Variants in HACD1 observed in about 807,000 individuals in gnomAD.
HACD1 encodes 3-hydroxyacyl-CoA dehydratase 1, also known as very-long-chain (3R)-3-hydroxyacyl-CoA dehydratase 1.
A neutral mutation model predicts 32.0 loss-of-function variants in HACD1; 41 were observed. The ratio of observed to expected loss-of-function variants is 1.28; its 90% CI spans 1.00 to 1.66. The LOEUF is 1.66. Among genes scored for constraint, HACD1 ranks in the 40% most tolerant of loss-of-function variants. HACD1 has a pLI of 0.00. For synonymous variants in HACD1, 142 were observed against 139.0 expected, an observed-to-expected ratio of 1.02 and a Z score of -0.15; for missense variants, 396 against 380.1, an observed-to-expected ratio of 1.04 and a Z score of -0.35.
In HACD1 at chr10:17,604,061, G is replaced by T. The variant is rs1432521562; in HGVS notation, c.258-14C>A. Reference sequence around the variant, plus strand: ...AGAACCAACCACCTAAAAAAAAAAAGTATTTCATAAAGTTCTTTCGAACTT... The same window carrying T: ...AGAACCAACCACCTAAAAAAAAAAATTATTTCATAAAGTTCTTTCGAACTT... On this transcript the variant is annotated splice_polypyrimidine_tract_variant and intron_variant, in intron 1 of 6. Coordinates refer to ENST00000361271, the MANE Select transcript of HACD1 (RefSeq NM_014241.4). The T allele has an allele frequency of 4.9e-6, 7 of 1,423,968 alleles. No homozygotes were observed. The highest frequency in any genetic ancestry group is 5.8e-6 in the Non-Finnish European group (6 of 1,037,292). 88.2% of individuals were successfully genotyped at this position (1,423,968 alleles called of 1,614,324 possible).
chr10:17,613,125 TGTGTGTGTGTGTGTGTG>T (rs1358706262), intron 1 of HACD1, among the ~76,000 whole-genome samples: 57 of 139,330 alleles, frequency 4.1e-4, no homozygotes, highest in African/African-American at 1.4e-3. Flanking sequence ...TGTGTGTGTG[TGTGTGTGTGTGTGTGTG>T]TGTGTTTTGT....
chr10:17,609,085 G>A (rs572202007), intron 1 of HACD1, among the ~76,000 whole-genome samples: 37 of 150,920 alleles, frequency 2.5e-4, no homozygotes, highest in African/African-American at 8.5e-4. Flanking sequence ...TGTCCAGATT[G>A]TATAAAGAAC....
intron 1 of HACD1, among the ~76,000 whole-genome samples, chr10:17,607,006 C>T (rs908033937): frequency 5.9e-5 from 9 of 152,106 alleles, no homozygotes; most frequent in Admixed American, 5.2e-4. Context: ...TATGCTGTGT[C>T]GGTCTGGCTC....
intron 1 of HACD1, among the ~76,000 whole-genome samples, chr10:17,614,751 T>C (rs1184416700): frequency 2.4e-5 from 3 of 124,958 alleles, no homozygotes; most frequent in Admixed American, 1.9e-4. Context: ...TTTATTTTAT[T>C]TTATTTTATT....
chr10:17,597,789 C>T (rs1281462290), intron 5 of HACD1, among the ~76,000 whole-genome samples: 6 of 152,180 alleles, frequency 3.9e-5, no homozygotes, highest in Admixed American at 3.3e-4. Context: ...AAGGTAAACA[C>T]ATTTTCATGT....
intron 1 of HACD1, among the ~76,000 whole-genome samples, chr10:17,616,467 C>T (rs1199629095): frequency 6.6e-6 from 1 of 152,044 alleles, no homozygotes; most frequent in African/African-American, 2.4e-5. Flanking sequence ...CGAAGAGCGA[C>T]AGTCATTGTG....
rs191169838 is a variant in HACD1, at chr10:17,601,418, C to T, written c.484-2007G>A. On this transcript the variant is annotated intron_variant, in intron 4 of 6. Coordinates refer to ENST00000361271, the MANE Select transcript of HACD1 (RefSeq NM_014241.4). ...CAATAATATTGGTTGAATTAATTAA[C>T]GAGTGCTGAATAGGTACCAGTGGGA... is the stretch of plus-strand genomic sequence containing the variant. Among the ~76,000 whole-genome samples the T allele has an allele frequency of 5.3e-5, 8 of 152,172 alleles. No homozygotes were observed. The East Asian group carries it at 5.8e-4, about 11-fold the overall frequency.
rs11254692 is a variant in HACD1, at chr10:17,617,132, C to G, written c.208G>C (p.Val70Leu). Residue 70 changes from valine (V) to leucine (L), a missense_variant, in exon 1 of 7, where the codon GTC (valine) becomes CTC (leucine). Physicochemically the swap from Val to Leu is conservative, Grantham distance 32. Coordinates refer to ENST00000361271, the MANE Select transcript of HACD1 (RefSeq NM_014241.4). Reference protein sequence around the residue: ...EAPGERRRLGVLATAWLTFYD... With the variant: ...EAPGERRRLGLLATAWLTFYD... ...AAGGTGAGCCAGGCGGTGGCCAAGA[C>G]CCCCAGGCGCCTCCGCTCGCCGGGA... is the stretch of plus-strand genomic sequence containing the variant. The G allele has an allele frequency of 1.3e-6, 2 of 1,505,548 alleles. No individual in the cohort carries two copies. The highest frequency in any genetic ancestry group is 1.8e-6 in the Non-Finnish European group (2 of 1,130,416). The allele number at this position is 1,505,548 out of a possible 1,614,324, so 93.3% of individuals were successfully genotyped here.
chr10:17,593,186 A>T (rs1554815719), intron 6 of HACD1, among the ~76,000 whole-genome samples: 1 of 152,160 alleles, frequency 6.6e-6, no homozygotes, highest in Non-Finnish European at 1.5e-5. Flanking sequence ...AACAACAAAA[A>T]AAAGTTGGAG....
rs71393019 is a variant in HACD1 at position 17,591,976 on chromosome 10, A to ATTTTTTTT, written c.785-1538_785-1531dup. 6.3e-3 allele frequency among the ~76,000 whole-genome samples: 614 copies of ATTTTTTTT among 96,928 alleles called. 68 individuals are homozygous for ATTTTTTTT. Among genetic ancestry groups the ATTTTTTTT allele is most frequent in the African/African-American group, 0.017 (383 of 22,284 alleles). The allele number at this position is 96,928 out of a possible 152,430, so 63.6% of individuals were successfully genotyped here. On this transcript the variant is annotated intron_variant, in intron 6 of 6. Coordinates refer to ENST00000361271, the MANE Select transcript of HACD1 (RefSeq NM_014241.4). Reference sequence around the variant, plus strand: ...CCCTGCCTTAACTCACCAGCTACTGATTTTTTTTTTTTTTTTTTTTTTTGA... The same window carrying ATTTTTTTT: ...CCCTGCCTTAACTCACCAGCTACTGATTTTTTTTTTTTTTTTTTTTTTTTTTTTTTTGA...
At chr10:17,591,839 T>A (rs1833931826) in intron 6 of HACD1, among the ~76,000 whole-genome samples, 1 of 100,794 alleles carries the variant, frequency 9.9e-6, no homozygotes, top group South Asian at 3.3e-4. Context: ...TATATATACC[T>A]AGGGGGCTAA....
intron 1 of HACD1, among the ~76,000 whole-genome samples, chr10:17,608,494 C>T (rs997096433): frequency 8.6e-5 from 13 of 150,884 alleles, no homozygotes. Context: ...ATATACTCCA[C>T]ACTTTGTCTC....
At chr10:17,592,557 T>C (rs1323315934) in intron 6 of HACD1, among the ~76,000 whole-genome samples, 1 of 152,118 alleles carries the variant, frequency 6.6e-6, no homozygotes, top group Non-Finnish European at 1.5e-5. Flanking sequence ...AAGCTGCTAC[T>C]GGTACAGGCC....
intron 4 of HACD1, among the ~76,000 whole-genome samples, chr10:17,600,959 G>C (rs1257649226): frequency 6.6e-6 from 1 of 151,990 alleles, no homozygotes; most frequent in Non-Finnish European, 1.5e-5. Context: ...TGCATGATTA[G>C]CATTGTGCGT....
In HACD1 at chr10:17,599,298, T is replaced by A; in HGVS notation, c.597A>T (p.Lys199Asn). 1 of 1,613,934 alleles carries A rather than the reference T, an allele frequency of 6.2e-7. No individual in the cohort carries two copies. The highest frequency in any genetic ancestry group is 1.7e-5 in the Admixed American group (1 of 59,994). ...CTGCAAGATATCGCCACCTGGCCCATTTAATGAAGTATGGCAAGTGGTCAA... is the reference window on the plus strand; with the variant it reads ...CTGCAAGATATCGCCACCTGGCCCAATTAATGAAGTATGGCAAGTGGTCAA... The part of the protein sequence containing the change: ...SLLDHLPYFI[K>N]WARYNFFIIL... Residue 199 changes from lysine (K) to asparagine (N), a missense_variant, in exon 5 of 7, where the codon AAA (lysine) becomes AAT (asparagine). Transcript: ENST00000361271.
chr10:17,614,788 T>C (rs1833048737), intron 1 of HACD1, among the ~76,000 whole-genome samples: 3 of 152,140 alleles, frequency 2.0e-5, no homozygotes, highest in African/African-American at 7.2e-5. Context: ...AGTCTCACTC[T>C]GTCGCCCATG....
intron 6 of HACD1, among the ~76,000 whole-genome samples, chr10:17,592,016 C>G (rs1162376109): frequency 2.6e-5 from 3 of 115,426 alleles, no homozygotes; most frequent in African/African-American, 1.1e-4. Flanking sequence ...GAGTCTCACT[C>G]TGTCACTCAG....
rs1588998678 is a variant in HACD1 at position 17,617,202 on chromosome 10, G to A, written c.138C>T (p.Asp46=). Residue 46 remains aspartate (D), a synonymous_variant, in exon 1 of 7, where the codon GAC becomes GAT. Coordinates refer to ENST00000361271, the MANE Select transcript of HACD1 (RefSeq NM_014241.4). The stretch of plus-strand genomic sequence containing the variant: ...CCTCCGAGGCGCCGCCGTTGGTGCC[G>A]TCCTCGTCGCTGGACGCCATGGTGG... The part of the protein sequence containing the change: ...CAATMASSDE[D]GTNGGASEAG... The A allele has an allele frequency of 1.3e-6, 2 of 1,499,666 alleles. No homozygotes were observed. Among genetic ancestry groups the A allele is most frequent in the Non-Finnish European group, 1.8e-6 (2 of 1,129,772 alleles). 92.9% of individuals were successfully genotyped at this position (1,499,666 alleles called of 1,614,324 possible). A position where few individuals can be genotyped will look rare whatever the true frequency, so the allele number is the denominator to read the frequency against.
intron 4 of HACD1, chr10:17,603,107 C>G (rs1834095225): frequency 1.3e-5 from 2 of 154,604 alleles, no homozygotes; most frequent in Non-Finnish European, 2.9e-5. Flanking sequence ...AGGCTGGTCT[C>G]AAACTCCTGA....
Sources: gnomAD v4.1 joint callset for allele counts (sites outside exome capture counted in the v4.1 genomes callset) on GRCh38, gnomAD v4.1.1 for gene constraint, MANE v1.5 for transcripts, NCBI Gene and HGNC (gene_info 2026-07-23, HGNC 2026-07-21) for gene names.